SEMA3A: variants seen among roughly 807,000 people sequenced by gnomAD.
SEMA3A encodes the protein semaphorin 3A.
A neutral mutation model predicts 97.9 loss-of-function variants in SEMA3A; 29 were observed. The ratio of observed to expected loss-of-function variants is 0.30; its 90% CI spans 0.22 to 0.40. SEMA3A has a LOEUF of 0.40. Among genes scored for constraint, SEMA3A ranks in the 10% least tolerant of loss-of-function variants. The pLI, the probability that SEMA3A is intolerant of heterozygous loss-of-function variation, is 1.00. For missense variants in SEMA3A, 763 were observed against 951.3 expected (o/e 0.80, Z 2.60); for synonymous variants, 321 against 323.7 (o/e 0.99, Z 0.09).
intron 3 of SEMA3A, among the ~76,000 whole-genome samples, chr7:84,272,149 T>C (rs1212813758): frequency 6.6e-6 from 1 of 151,978 alleles, no homozygotes; most frequent in African/African-American, 2.4e-5. Context: ...AAAAGTAATA[T>C]CATAGATTAT....
At position 84,007,630 on chromosome 7, in the gene SEMA3A, G is replaced by T. The variant is rs1194446291; in HGVS notation, c.996-133C>A. ...TATAAATTCTTAGCAATAATGTTTG[G>T]GATTTTTCTAGTCACATGTATGCAT... On this transcript the variant is annotated intron_variant, in intron 9 of 16. Transcript: ENST00000265362. The T allele has an allele frequency of 4.9e-6, 4 of 812,374 alleles. No homozygotes were observed. In the East Asian group the frequency reaches 1.3e-4, roughly 27 times the overall value. 50.3% of individuals were successfully genotyped at this position (812,374 alleles called of 1,614,324 possible). A position where few individuals can be genotyped will look rare whatever the true frequency, so the allele number is the denominator to read the frequency against.
At chr7:84,205,148 A>G (rs1798458014) in intron 3 of SEMA3A, among the ~76,000 whole-genome samples, 1 of 152,222 alleles carries the variant, frequency 6.6e-6, no homozygotes, top group Non-Finnish European at 1.5e-5. Context: ...GAAGCAGAGA[A>G]GTTAAGGTCA....
At chr7:84,490,154 C>A in intron 1 of SEMA3A, among the ~76,000 whole-genome samples, 1 of 144,822 alleles carries the variant, frequency 6.9e-6, no homozygotes, top group African/African-American at 2.6e-5. Flanking sequence ...GTAAAAAGAA[C>A]CATTTAAAAA....
rs1297808031 is a variant in SEMA3A at position 84,481,263 on chromosome 7, C to T, written c.-246+11197G>A. Among the ~76,000 whole-genome samples the T allele has an allele frequency of 2.0e-5, 3 of 152,136 alleles. No homozygotes were observed. In the East Asian group the frequency reaches 5.8e-4, roughly 29 times the overall value. On this transcript the variant is annotated intron_variant, in intron 1 of 3. Transcript: ENST00000424555. ...ACTGGTCTTTTAAATATTTACTACC[C>T]TCACCTTTTGCATGTGTCTCATTAT...
chr7:84,424,286 A>G (rs927573641), intron 1 of SEMA3A, among the ~76,000 whole-genome samples: 1 of 146,022 alleles, frequency 6.8e-6, no homozygotes, highest in Non-Finnish European at 1.5e-5. Flanking sequence ...TGTTAAATAT[A>G]TATAAATGTA....
chr7:84,454,517 T>A (rs1359798104), intron 1 of SEMA3A, among the ~76,000 whole-genome samples: 1 of 152,170 alleles, frequency 6.6e-6, no homozygotes, highest in Non-Finnish European at 1.5e-5. Flanking sequence ...ACTAAAACAG[T>A]AACTTTAAAT....
At chr7:84,196,132 C>G (rs1244116199), upstream of SEMA3A, among the ~76,000 whole-genome samples, 2 of 151,954 alleles carry the variant, frequency 1.3e-5, no homozygotes, top group Admixed American at 6.6e-5. Context: ...CACTCCCCAC[C>G]CCCCACCTCC....
intron 1 of SEMA3A, among the ~76,000 whole-genome samples, chr7:84,468,735 T>C (rs937346632): frequency 1.3e-5 from 2 of 152,126 alleles, no homozygotes; most frequent in Non-Finnish European, 2.9e-5. Flanking sequence ...TCAGTATAAA[T>C]TGGTGCTAAA....
intron 1 of SEMA3A, among the ~76,000 whole-genome samples, chr7:84,466,191 G>C (rs1805992176): frequency 6.6e-6 from 1 of 151,894 alleles, no homozygotes; most frequent in Admixed American, 6.6e-5. Flanking sequence ...GTTTGCTTTT[G>C]AGACGGAGTT....
At chr7:83,968,319 G>A (rs1025626178) in intron 15 of SEMA3A, among the ~76,000 whole-genome samples, 1 of 152,194 alleles carries the variant, frequency 6.6e-6, no homozygotes, top group African/African-American at 2.4e-5. Flanking sequence ...TTGGCAGGGT[G>A]TTCCCACCCT....
chr7:84,449,205 C>T (rs1458574361), intron 1 of SEMA3A, among the ~76,000 whole-genome samples: 21 of 151,960 alleles, frequency 1.4e-4, no homozygotes, highest in Admixed American at 1.4e-3. Flanking sequence ...AAACATAGAT[C>T]AAAAGTGTCA....
chr7:84,425,013 T>C (rs1165877575), intron 1 of SEMA3A, among the ~76,000 whole-genome samples: 2 of 103,436 alleles, frequency 1.9e-5, no homozygotes, highest in African/African-American at 4.0e-5. Flanking sequence ...TTATATATAT[T>C]ATTTATTTAT....
intron 1 of SEMA3A, among the ~76,000 whole-genome samples, chr7:84,188,344 G>A (rs528018315): frequency 1.3e-5 from 2 of 152,046 alleles, no homozygotes; most frequent in East Asian, 1.9e-4. Context: ...AATAGTGTGT[G>A]GATTGCCTAT....
intron 1 of SEMA3A, among the ~76,000 whole-genome samples, chr7:84,162,286 G>A (rs1584061727): frequency 6.6e-6 from 1 of 152,120 alleles, no homozygotes; most frequent in Non-Finnish European, 1.5e-5. Context: ...TGAGTGGCTA[G>A]CAGAGTTGAT....
At chr7:84,053,963 C>T (rs1792812459) in intron 5 of SEMA3A, among the ~76,000 whole-genome samples, 1 of 149,664 alleles carries the variant, frequency 6.7e-6, no homozygotes, top group African/African-American at 2.4e-5. Context: ...ATTTCTCCTT[C>T]ACTTATGAAG....
chr7:84,051,635 A>G (rs1213610772), intron 5 of SEMA3A, among the ~76,000 whole-genome samples: 1 of 152,200 alleles, frequency 6.6e-6, no homozygotes, highest in Non-Finnish European at 1.5e-5. Context: ...TTTTCTAGAT[A>G]TACGATCATG....
At chr7:84,433,050 C>T (rs1805026206) in intron 1 of SEMA3A, among the ~76,000 whole-genome samples, 1 of 151,774 alleles carries the variant, frequency 6.6e-6, no homozygotes, top group Non-Finnish European at 1.5e-5. Context: ...CATAGCCTCT[C>T]TATCACCTGT....
At chr7:84,117,519 G>T (rs2115969832) in intron 3 of SEMA3A, among the ~76,000 whole-genome samples, 1 of 152,314 alleles carries the variant, frequency 6.6e-6, no homozygotes, top group Non-Finnish European at 1.5e-5. Context: ...AGGCCGGCCA[G>T]CACTACCGCC....
chr7:84,071,573 A>G (rs1793743423), intron 4 of SEMA3A, among the ~76,000 whole-genome samples: 1 of 152,046 alleles, frequency 6.6e-6, no homozygotes, highest in Admixed American at 6.6e-5. Flanking sequence ...GCAGGTACAA[A>G]TTTTACCTAT....
Sources: gnomAD v4.1 joint callset for allele counts (sites outside exome capture counted in the v4.1 genomes callset) on GRCh38, gnomAD v4.1.1 for gene constraint, MANE v1.5 for transcripts, NCBI Gene and HGNC (gene_info 2026-07-23, HGNC 2026-07-21) for gene names.